SPECC1: variants seen among roughly 807,000 people sequenced by gnomAD.
SPECC1 encodes the protein sperm antigen with calponin homology and coiled-coil domains 1.
A neutral mutation model predicts 104.1 loss-of-function variants in SPECC1; 62 were observed. The ratio of observed to expected loss-of-function variants is 0.60; its 90% CI spans 0.49 to 0.74. SPECC1 has a LOEUF of 0.74. Ranked by LOEUF, SPECC1 falls within the 30% of genes least tolerant of loss-of-function variation. The probability of loss-of-function intolerance (pLI) is 0.00; values close to 1 mark genes in which losing one functional copy is unlikely to be tolerated. For synonymous variants in SPECC1, 513 were observed against 501.6 expected (o/e 1.02, Z -0.30); for missense variants, 1,306 against 1,310.5 (o/e 1.00, Z 0.05).
intron 4 of SPECC1, among the ~76,000 whole-genome samples, chr17:20,208,019 GT>G (rs2036896135): frequency 2.6e-5 from 4 of 152,046 alleles, no homozygotes; most frequent in Non-Finnish European, 5.9e-5. Context: ...AGCATTTAAA[GT>G]TATAGCTTTG....
At chr17:20,242,337 A>G (rs1019919454) in intron 7 of SPECC1, among the ~76,000 whole-genome samples, 6 of 152,260 alleles carry the variant, frequency 3.9e-5, no homozygotes, top group South Asian at 2.1e-4. Context: ...ACATGTATGT[A>G]TATGTGCTTA....
At chr17:20,287,242 C>A (rs1450724404) in intron 12 of SPECC1, among the ~76,000 whole-genome samples, 1 of 152,114 alleles carries the variant, frequency 6.6e-6, no homozygotes, top group African/African-American at 2.4e-5. Flanking sequence ...AAGGTGAAAC[C>A]CCGTCTCTAC....
intron 3 of SPECC1, among the ~76,000 whole-genome samples, chr17:20,127,335 A>G (rs2049361243): frequency 6.6e-6 from 1 of 151,342 alleles, no homozygotes; most frequent in Non-Finnish European, 1.5e-5. Flanking sequence ...AGATCTAGAG[A>G]GTTTTCTGTG....
At chr17:20,297,173 T>C in intron 13 of SPECC1, 96 bp downstream of exon 13, 1 of 1,025,478 alleles carries the variant, frequency 9.8e-7, no homozygotes, top group Non-Finnish European at 1.5e-6. Flanking sequence ...AGGCCTGAAG[T>C]AGAAGTTGGG....
intron 1 of SPECC1, among the ~76,000 whole-genome samples, chr17:20,042,985 A>G (rs2045394046): frequency 6.6e-6 from 1 of 152,140 alleles, no homozygotes; most frequent in Admixed American, 6.5e-5. Flanking sequence ...CTGTCCCTGG[A>G]GCTCAAGTCC....
At chr17:20,021,163 A>AGGGG (rs1184607506) in intron 1 of SPECC1, among the ~76,000 whole-genome samples, 1 of 151,916 alleles carries the variant, frequency 6.6e-6, no homozygotes, top group Non-Finnish European at 1.5e-5. Context: ...GAGTAGGCTG[A>AGGGG]GGGGGAGGAG....
chr17:20,067,941 C>T (rs985923477), intron 1 of SPECC1, among the ~76,000 whole-genome samples: 1 of 152,052 alleles, frequency 6.6e-6, no homozygotes, highest in African/African-American at 2.4e-5. Flanking sequence ...CTGGACATTG[C>T]GTAGAAGTGG....
intron 7 of SPECC1, chr17:20,238,751 A>T (rs902242377): frequency 4.2e-5 from 44 of 1,043,446 alleles, no homozygotes; most frequent in Non-Finnish European, 4.9e-5. Context: ...TTTCAAGTAT[A>T]AACAATAAGA....
intron 13 of SPECC1, among the ~76,000 whole-genome samples, chr17:20,298,360 G>A (rs1378088406): frequency 2.0e-5 from 3 of 152,148 alleles, no homozygotes; most frequent in Non-Finnish European, 4.4e-5. Context: ...AACTGGCATT[G>A]GAAGGTAGAG....
At chr17:20,166,077 A>G (rs2033624158) in intron 3 of SPECC1, among the ~76,000 whole-genome samples, 1 of 152,222 alleles carries the variant, frequency 6.6e-6, no homozygotes, top group Non-Finnish European at 1.5e-5. Flanking sequence ...AGATAATTCT[A>G]CTGAAACAAT....
intron 2 of SPECC1, among the ~76,000 whole-genome samples, chr17:20,106,378 A>T (rs1313578166): frequency 6.6e-6 from 1 of 152,022 alleles, no homozygotes; most frequent in East Asian, 1.9e-4. Context: ...GATGCTTTTT[A>T]CTCTGAGATG....
chr17:20,277,893 C>T (rs1018877548), intron 12 of SPECC1, among the ~76,000 whole-genome samples: 13 of 152,224 alleles, frequency 8.5e-5, no homozygotes, highest in African/African-American at 3.1e-4. Flanking sequence ...TATGTTGTGG[C>T]GTGTGTCAGC....
chr17:20,236,926 T>G, intron 7 of SPECC1: 2 of 1,613,386 alleles, frequency 1.2e-6, no homozygotes, highest in Non-Finnish European at 1.7e-6. Context: ...TTGCCATGAT[T>G]GGGAGCCGCA....
intron 12 of SPECC1, among the ~76,000 whole-genome samples, chr17:20,292,958 G>A (rs1161863687): frequency 1.3e-5 from 2 of 152,192 alleles, no homozygotes; most frequent in East Asian, 3.8e-4. Context: ...GTGCTTTTGG[G>A]GGACATTCTG....
At chr17:20,239,316 G>A (rs2039085306) in intron 7 of SPECC1, 8 of 1,008,288 alleles carry the variant, frequency 7.9e-6, no homozygotes, top group South Asian at 4.7e-5. Flanking sequence ...TTCTCCCTCA[G>A]TACCACCTGT....
intron 1 of SPECC1, among the ~76,000 whole-genome samples, chr17:20,070,540 A>G (rs12936401): frequency 0.2 from 30,202 of 151,962 alleles, 3,873 homozygotes; most frequent in East Asian, 0.39. Flanking sequence ...TATCTTATCT[A>G]TATATTTTAT....
intron 12 of SPECC1, among the ~76,000 whole-genome samples, chr17:20,296,572 C>T (rs2041358310): frequency 6.6e-6 from 1 of 152,122 alleles, no homozygotes; most frequent in Non-Finnish European, 1.5e-5. Flanking sequence ...TCATTGGTAG[C>T]TTGATGGGGA....
intron 1 of SPECC1, among the ~76,000 whole-genome samples, chr17:20,070,858 A>T (rs2046523831): frequency 6.6e-6 from 1 of 151,876 alleles, no homozygotes; most frequent in Non-Finnish European, 1.5e-5. Context: ...ATTTTCAGGT[A>T]AGTCACATCT....
chr17:20,048,704 G>A (rs2045633129), intron 1 of SPECC1, among the ~76,000 whole-genome samples: 1 of 151,980 alleles, frequency 6.6e-6, no homozygotes, highest in Non-Finnish European at 1.5e-5. Context: ...CTAGGAGTTT[G>A]ACATTAGCCT....
Sources: allele counts gnomAD v4.1 joint callset (sites outside exome capture counted in the v4.1 genomes callset), GRCh38; gene constraint gnomAD v4.1.1; transcripts MANE v1.5; gene names NCBI Gene and HGNC (gene_info 2026-07-23, HGNC 2026-07-21).